CALD1: variants seen among roughly 807,000 people sequenced by gnomAD.
CALD1 encodes the protein caldesmon 1.
In CALD1, 33 loss-of-function variants were observed where a neutral mutation model predicts 99.9. The observed-to-expected ratio is 0.33, with a 90% CI of 0.25 to 0.44. The LOEUF is 0.44. Ranked by LOEUF, CALD1 falls within the 20% of genes least tolerant of loss-of-function variation. The pLI is 1.00. For synonymous variants in CALD1, 310 were observed against 325.0 expected, an observed-to-expected ratio of 0.95 and a Z score of 0.50; for missense variants, 861 against 962.1, an observed-to-expected ratio of 0.89 and a Z score of 1.39.
chr7:134,938,782 A>G (rs1281734395), intron 6 of CALD1, among the ~76,000 whole-genome samples: 1 of 152,206 alleles, frequency 6.6e-6, no homozygotes, highest in Admixed American at 6.5e-5. Flanking sequence ...TAAGCCTGCC[A>G]TCCACTATAG....
chr7:134,843,515 AG>A (rs1799732877), intron 1 of CALD1, among the ~76,000 whole-genome samples: 1 of 152,214 alleles, frequency 6.6e-6, no homozygotes, highest in South Asian at 2.1e-4. Flanking sequence ...AGACCAAAAA[AG>A]TTTTCCACTT....
the CALD1 span, among the ~76,000 whole-genome samples, chr7:134,730,899 T>G: frequency 6.6e-6 from 1 of 152,110 alleles, no homozygotes; most frequent in African/African-American, 2.4e-5. Flanking sequence ...AGCTCCCACC[T>G]GCCTCTCCCA....
At chr7:134,761,848 A>C (rs1284857921) in intron 1 of CALD1, among the ~76,000 whole-genome samples, 1 of 152,148 alleles carries the variant, frequency 6.6e-6, no homozygotes, top group Non-Finnish European at 1.5e-5. Context: ...GACATTTACC[A>C]TTATTTGTAT....
At chr7:134,728,851 T>C in the CALD1 span, among the ~76,000 whole-genome samples, 23 of 37,754 alleles carry the variant, frequency 6.1e-4, no homozygotes, top group African/African-American at 3.8e-3. Flanking sequence ...TTTTCTTTTT[T>C]TTTTTTTTTT....
At chr7:134,916,504 T>G in intron 3 of CALD1, among the ~76,000 whole-genome samples, 1 of 152,046 alleles carries the variant, frequency 6.6e-6, no homozygotes, top group East Asian at 1.9e-4. Flanking sequence ...GTTATGAAAA[T>G]CTATTACCCA....
chr7:134,731,546 C>T, the CALD1 span, among the ~76,000 whole-genome samples: 2 of 152,148 alleles, frequency 1.3e-5, no homozygotes, highest in African/African-American at 2.4e-5. Context: ...ACATGATTGA[C>T]CCTGTTGCTC....
intron 3 of CALD1, among the ~76,000 whole-genome samples, chr7:134,916,805 G>A (rs1242831298): frequency 6.6e-6 from 1 of 152,164 alleles, no homozygotes; most frequent in Non-Finnish European, 1.5e-5. Flanking sequence ...ATGAGATTAT[G>A]GACTTTAGTA....
intron 3 of CALD1, 152 bp downstream of exon 3, chr7:134,867,956 C>A: frequency 2.3e-6 from 1 of 428,702 alleles, no homozygotes; most frequent in Non-Finnish European, 4.3e-6. Flanking sequence ...TGCTAAGACT[C>A]TAAATTAAGC....
At chr7:134,853,188 A>G (rs1800150897) in intron 2 of CALD1, among the ~76,000 whole-genome samples, 1 of 152,102 alleles carries the variant, frequency 6.6e-6, no homozygotes. Context: ...CTTATGTAGG[A>G]CCTGAAGTGG....
At chr7:134,938,115 G>A (rs1397296192) in intron 6 of CALD1, among the ~76,000 whole-genome samples, 2 of 152,146 alleles carry the variant, frequency 1.3e-5, no homozygotes, top group East Asian at 1.9e-4. Context: ...CATGTTGTCC[G>A]TGGACCAAAC....
upstream of CALD1, among the ~76,000 whole-genome samples, chr7:134,739,318 C>T (rs76208570): frequency 2.8e-3 from 429 of 152,308 alleles, 4 homozygotes; most frequent in African/African-American, 9.7e-3. Context: ...TCCAAGGTTA[C>T]ATTTACCCAA....
chr7:134,797,341 G>A (rs1172317306), intron 1 of CALD1, among the ~76,000 whole-genome samples: 1 of 152,186 alleles, frequency 6.6e-6, no homozygotes, highest in African/African-American at 2.4e-5. Context: ...CACAATGGCA[G>A]ACTCTTAGAC....
chr7:134,769,738 A>C (rs970721517), intron 1 of CALD1, among the ~76,000 whole-genome samples: 7 of 152,110 alleles, frequency 4.6e-5, no homozygotes, highest in African/African-American at 1.7e-4. Context: ...CCCGGGTTCA[A>C]GCAATTCTCC....
At chr7:134,830,798 G>A (rs575797397) in intron 1 of CALD1, among the ~76,000 whole-genome samples, 20 of 152,194 alleles carry the variant, frequency 1.3e-4, no homozygotes, top group Non-Finnish European at 2.8e-4. Flanking sequence ...AATCTTGGCA[G>A]TGAATAATGA....
At chr7:134,817,376 T>G (rs1682049396) in intron 1 of CALD1, among the ~76,000 whole-genome samples, 1 of 152,144 alleles carries the variant, frequency 6.6e-6, no homozygotes, top group Admixed American at 6.6e-5. Context: ...AGTTACAAAA[T>G]AGTATAGAAA....
chr7:134,838,648 G>C lies in CALD1; in HGVS notation c.-129-5236G>C, dbSNP rs550544798. On this transcript the variant is annotated intron_variant, in intron 1 of 14. Coordinates refer to ENST00000361675, the MANE Select transcript of CALD1 (RefSeq NM_033138.4). The stretch of plus-strand genomic sequence containing the variant: ...CACTAAGTCATTGGCAAATAATCCA[G>C]TGTTGACTTTTAATTTAGAAATAAC... Among the ~76,000 whole-genome samples, 5 of 152,334 alleles carry C rather than the reference G, an allele frequency of 3.3e-5. No homozygotes were observed. In the East Asian group the frequency reaches 5.8e-4, roughly 18 times the overall value.
intron 3 of CALD1, among the ~76,000 whole-genome samples, chr7:134,909,982 G>A (rs1469381184): frequency 1.3e-5 from 2 of 152,170 alleles, no homozygotes; most frequent in African/African-American, 4.8e-5. Flanking sequence ...TGGACAATTT[G>A]TCTCAAAGGA....
intron 13 of CALD1, among the ~76,000 whole-genome samples, chr7:134,963,316 C>A (rs1255488395): frequency 6.6e-6 from 1 of 152,156 alleles, no homozygotes; most frequent in Non-Finnish European, 1.5e-5. Flanking sequence ...ATAGGTGTAA[C>A]TCTCTAATAG....
intron 4 of CALD1, among the ~76,000 whole-genome samples, chr7:134,929,576 T>C (rs572351827): frequency 1.2e-5 from 1 of 84,700 alleles, no homozygotes; most frequent in South Asian, 4.2e-4. Flanking sequence ...CATTATTGTG[T>C]TCCTTTTTAT....
Sources: gnomAD v4.1 joint callset for allele counts (sites outside exome capture counted in the v4.1 genomes callset) on GRCh38, gnomAD v4.1.1 for gene constraint, MANE v1.5 for transcripts, NCBI Gene and HGNC (gene_info 2026-07-23, HGNC 2026-07-21) for gene names.